Variants in ADGRL3 observed in about 807,000 individuals in gnomAD.
ADGRL3 encodes the protein adhesion G protein-coupled receptor L3, also known as calcium-independent alpha-latrotoxin receptor 3.
In ADGRL3, 62 loss-of-function variants were observed where a neutral mutation model predicts 153.5. That is an observed-to-expected ratio of 0.40 (90% CI 0.33 to 0.50). The LOEUF (loss-of-function observed/expected upper bound fraction) is 0.50, where lower values mean the gene tolerates loss of function less well. Ranked by LOEUF, ADGRL3 falls within the 20% of genes least tolerant of loss-of-function variation. The pLI, the probability that ADGRL3 is intolerant of heterozygous loss-of-function variation, is 0.47. For synonymous variants in ADGRL3, 710 were observed against 672.5 expected, an observed-to-expected ratio of 1.06 and a Z score of -0.86; for missense variants, 1,641 against 1,859.4, an observed-to-expected ratio of 0.88 and a Z score of 2.16.
chr4:61,260,773 T>G (rs2092447367), intron 1 of ADGRL3, among the ~76,000 whole-genome samples: 1 of 152,148 alleles, frequency 6.6e-6, no homozygotes, highest in South Asian at 2.1e-4. Flanking sequence ...TCACCCAGGC[T>G]GGAGTGCAAT....
At chr4:61,431,022 A>G (rs1432472231) in intron 2 of ADGRL3, among the ~76,000 whole-genome samples, 3 of 152,162 alleles carry the variant, frequency 2.0e-5, no homozygotes, top group Non-Finnish European at 4.4e-5. Context: ...TTTTCCTTCC[A>G]TAGGTCTTGA....
chr4:61,874,111 T>C (rs1461123501), intron 9 of ADGRL3, among the ~76,000 whole-genome samples: 1 of 152,194 alleles, frequency 6.6e-6, no homozygotes, highest in Admixed American at 6.5e-5. Flanking sequence ...TACACATTTA[T>C]TATTTCAGAG....
chr4:61,489,728 T>A (rs1454657931), intron 2 of ADGRL3, among the ~76,000 whole-genome samples: 1 of 152,048 alleles, frequency 6.6e-6, no homozygotes, highest in African/African-American at 2.4e-5. Flanking sequence ...ATTTAACACC[T>A]CTATTGATTC....
At chr4:61,625,442 G>T in intron 5 of ADGRL3, among the ~76,000 whole-genome samples, 1 of 152,050 alleles carries the variant, frequency 6.6e-6, no homozygotes, top group Middle Eastern at 3.4e-3. Flanking sequence ...ATAAATATAT[G>T]CACACATGTA....
intron 4 of ADGRL3, among the ~76,000 whole-genome samples, chr4:61,579,227 T>C (rs756735923): frequency 3.9e-5 from 6 of 152,094 alleles, no homozygotes; most frequent in African/African-American, 1.2e-4. Flanking sequence ...GGGATCAATA[T>C]GCATTTAGAA....
rs78763571 is a variant in ADGRL3 at position 61,731,759 on chromosome 4, A to G, written c.599-995A>G. Among the ~76,000 whole-genome samples the G allele has an allele frequency of 2.4e-4, 36 of 152,210 alleles. No individual in the cohort carries two copies. The East Asian group carries it at 5.6e-3, about 24-fold the overall frequency. ...CCTTTTTCCTTTCTGTGTAACATCTAGCTATGCCACTTGAAACATGTGATT... is the reference window on the plus strand; with the variant it reads ...CCTTTTTCCTTTCTGTGTAACATCTGGCTATGCCACTTGAAACATGTGATT... On this transcript the variant is annotated intron_variant, in intron 7 of 26. Transcript: ENST00000683033.
At chr4:61,930,455 G>A (rs1214197081) in intron 13 of ADGRL3, among the ~76,000 whole-genome samples, 2 of 152,116 alleles carry the variant, frequency 1.3e-5, no homozygotes, top group Non-Finnish European at 2.9e-5. Context: ...GACAAAAGTT[G>A]TCATTGCAAA....
intron 1 of ADGRL3, among the ~76,000 whole-genome samples, chr4:61,256,349 TA>T (rs1297836719): frequency 2.0e-5 from 3 of 152,190 alleles, no homozygotes; most frequent in Non-Finnish European, 4.4e-5. Flanking sequence ...AGTATTGATT[TA>T]AACTGTAGCA....
intron 1 of ADGRL3, among the ~76,000 whole-genome samples, chr4:61,315,749 A>G (rs542567482): frequency 2.2e-4 from 34 of 152,308 alleles, no homozygotes; most frequent in African/African-American, 7.2e-4. Flanking sequence ...AAACCGCCAT[A>G]AAATCATTTT....
chr4:61,358,090 C>G (rs2151440442), intron 1 of ADGRL3, among the ~76,000 whole-genome samples: 1 of 152,248 alleles, frequency 6.6e-6, no homozygotes, highest in African/African-American at 2.4e-5. Flanking sequence ...AGTTCTTAAC[C>G]ATTTTACCAA....
chr4:61,462,919 T>A (rs1244412034), intron 2 of ADGRL3, among the ~76,000 whole-genome samples: 1 of 152,194 alleles, frequency 6.6e-6, no homozygotes, highest in Non-Finnish European at 1.5e-5. Context: ...TAGTCAGAAC[T>A]GTTTCAACAG....
At chr4:62,055,693 G>T (rs1199282171) in intron 25 of ADGRL3, among the ~76,000 whole-genome samples, 1 of 151,412 alleles carries the variant, frequency 6.6e-6, no homozygotes, top group Non-Finnish European at 1.5e-5. Context: ...AAGTGACTTG[G>T]TATTGATTTA....
At chr4:61,914,180 G>A (rs962205585) in intron 13 of ADGRL3, among the ~76,000 whole-genome samples, 7 of 152,112 alleles carry the variant, frequency 4.6e-5, no homozygotes, top group Admixed American at 3.9e-4. Context: ...TGGATTTGGT[G>A]TCTTCCAAGT....
At position 61,733,043 on chromosome 4, in the gene ADGRL3, A is replaced by C; in HGVS notation, c.888A>C (p.Ile296=). The change falls in exon 8 of 27, where the codon ATA becomes ATC. Residue 296 remains isoleucine, a synonymous_variant. Coordinates refer to ENST00000683033, the MANE Select transcript of ADGRL3 (RefSeq NM_001387552.1). ...LFFNKERTRN[I]VKFDLRTRIK... ...TCAACAAAGAGCGCACCAGGAACATAGTAAAGTTTGATTTGCGGACTAGGA... is the reference window on the plus strand; with the variant it reads ...TCAACAAAGAGCGCACCAGGAACATCGTAAAGTTTGATTTGCGGACTAGGA... 6.2e-7 allele frequency: 1 copy of C among 1,613,776 alleles called. No homozygotes were observed. The highest frequency in any genetic ancestry group is 1.7e-5 in the Admixed American group (1 of 59,934).
At chr4:61,720,247 G>A (rs1049950949) in intron 6 of ADGRL3, among the ~76,000 whole-genome samples, 5 of 151,588 alleles carry the variant, frequency 3.3e-5, no homozygotes, top group Non-Finnish European at 7.4e-5. Context: ...CCACCACCAC[G>A]CCCAGTTAAT....
chr4:61,624,545 A>C (rs955028140), intron 5 of ADGRL3, among the ~76,000 whole-genome samples: 10 of 152,142 alleles, frequency 6.6e-5, no homozygotes, highest in Non-Finnish European at 1.5e-4. Flanking sequence ...GAAAGAATTA[A>C]GCCCTAAATG....
chr4:61,897,228 A>G (rs2098636918), intron 11 of ADGRL3, among the ~76,000 whole-genome samples: 3 of 152,216 alleles, frequency 2.0e-5, no homozygotes. Context: ...TTCATCCTGT[A>G]GAGTCTGTAA....
intron 18 of ADGRL3, among the ~76,000 whole-genome samples, chr4:61,980,792 T>G (rs2099065573): frequency 6.6e-6 from 1 of 152,282 alleles, no homozygotes; most frequent in East Asian, 1.9e-4. Context: ...ATGCCTTTTT[T>G]GACTTGATAG....
chr4:61,558,534 T>C (rs2098779383), intron 4 of ADGRL3, among the ~76,000 whole-genome samples: 1 of 151,992 alleles, frequency 6.6e-6, no homozygotes, highest in Non-Finnish European at 1.5e-5. Context: ...CTACCACTTT[T>C]TATCTATCTA....
Sources: allele counts gnomAD v4.1 joint callset (sites outside exome capture counted in the v4.1 genomes callset), GRCh38; gene constraint gnomAD v4.1.1; transcripts MANE v1.5; gene names NCBI Gene and HGNC (gene_info 2026-07-23, HGNC 2026-07-21).